Variants in RBFOX1 observed in about 807,000 individuals in gnomAD.
RBFOX1 encodes RNA binding fox-1 homolog 1.
In RBFOX1, 8 loss-of-function variants were observed where a neutral mutation model predicts 57.7. The ratio of observed to expected loss-of-function variants is 0.14; its 90% CI spans 0.08 to 0.25. The LOEUF is 0.25. Ranked by LOEUF, RBFOX1 falls within the 10% of genes least tolerant of loss-of-function variation. The pLI, the probability that RBFOX1 is intolerant of heterozygous loss-of-function variation, is 1.00. For missense variants in RBFOX1, 611 were observed against 548.5 expected, an observed-to-expected ratio of 1.11 and a Z score of -1.14; for synonymous variants, 326 against 222.4, an observed-to-expected ratio of 1.47 and a Z score of -4.15.
At chr16:6,558,384 G>A (rs962863134) in intron 2 of RBFOX1, among the ~76,000 whole-genome samples, 2 of 152,160 alleles carry the variant, frequency 1.3e-5, no homozygotes, top group Non-Finnish European at 2.9e-5. Context: ...TTCTCTTTTA[G>A]AAAGAGGAGA....
intron 1 of RBFOX1, among the ~76,000 whole-genome samples, chr16:6,183,494 A>G (rs976064776): frequency 6.3e-5 from 9 of 143,310 alleles, no homozygotes; most frequent in African/African-American, 2.4e-4. Context: ...AATTAAATAA[A>G]TAAATAAATA....
chr16:6,204,765 CT>C (rs1378526213), intron 1 of RBFOX1, among the ~76,000 whole-genome samples: 1 of 152,076 alleles, frequency 6.6e-6, no homozygotes, highest in Non-Finnish European at 1.5e-5. Context: ...GTTGGATGAC[CT>C]TATTGACAAT....
chr16:6,699,622 T>A (rs1384479327), intron 3 of RBFOX1, among the ~76,000 whole-genome samples: 1 of 152,120 alleles, frequency 6.6e-6, no homozygotes, highest in African/African-American at 2.4e-5. Flanking sequence ...GGAAGAGTGT[T>A]TTTGTTGGCA....
chr16:6,824,751 T>C (rs1404619047), intron 3 of RBFOX1, among the ~76,000 whole-genome samples: 1 of 152,062 alleles, frequency 6.6e-6, no homozygotes, highest in East Asian at 1.9e-4. Context: ...AAGCTTTCTT[T>C]AAAAACTTTT....
At chr16:6,810,351 T>A (rs2088167454) in intron 3 of RBFOX1, among the ~76,000 whole-genome samples, 1 of 152,076 alleles carries the variant, frequency 6.6e-6, no homozygotes, top group Admixed American at 6.5e-5. Context: ...TCCGTGCATT[T>A]TTTCCTCTCC....
At chr16:6,068,463 A>C (rs2095795231) in intron 1 of RBFOX1, among the ~76,000 whole-genome samples, 1 of 152,314 alleles carries the variant, frequency 6.6e-6, no homozygotes, top group Admixed American at 6.5e-5. Context: ...AAGCATGACA[A>C]AATAATGAAG....
At chr16:6,904,237 C>A (rs1430775828) in intron 3 of RBFOX1, among the ~76,000 whole-genome samples, 1 of 152,072 alleles carries the variant, frequency 6.6e-6, no homozygotes, top group South Asian at 2.1e-4. Flanking sequence ...GTGTTCTAAA[C>A]TGTCATTTGC....
Position 5,873,145 on chromosome 16 carries a change from C to T in RBFOX1, c.351+5810C>T, listed in dbSNP as rs576617883. 4.6e-5 allele frequency among the ~76,000 whole-genome samples: 7 copies of T among 151,618 alleles called. No individual in the cohort carries two copies. In the South Asian group the frequency reaches 1.5e-3, roughly 32 times the overall value. ...CCAGCCTAGCAACAGAGCAAGACTCCATCTCAAAACAAAGAAACAAACAAC... is the reference window on the plus strand; with the variant it reads ...CCAGCCTAGCAACAGAGCAAGACTCTATCTCAAAACAAAGAAACAAACAAC... On this transcript the variant is annotated intron_variant, in intron 4 of 19. Coordinates refer to the RBFOX1 transcript ENST00000641259.
intron 3 of RBFOX1, among the ~76,000 whole-genome samples, chr16:5,645,109 T>G (rs551355373): frequency 4.0e-5 from 6 of 149,952 alleles, no homozygotes; most frequent in African/African-American, 1.2e-4. Context: ...AAATGTTGAG[T>G]GTGGTGATGC....
chr16:6,591,900 G>T lies in RBFOX1; in HGVS notation c.-63-62703G>T, dbSNP rs973500105. On this transcript the variant is annotated intron_variant, in intron 2 of 15. Transcript: ENST00000550418. Reference sequence around the variant, plus strand: ...ACATGAGAAAACACATTTGCTTTGTGAACTGGAATTTTATATTTGGAACTG... The same window carrying T: ...ACATGAGAAAACACATTTGCTTTGTTAACTGGAATTTTATATTTGGAACTG... Among the ~76,000 whole-genome samples the T allele has an allele frequency of 4.6e-5, 7 of 152,294 alleles. No homozygotes were observed. The South Asian group carries it at 1.2e-3, about 27-fold the overall frequency.
intron 1 of RBFOX1, among the ~76,000 whole-genome samples, chr16:5,325,072 A>G: frequency 6.6e-6 from 1 of 152,208 alleles, no homozygotes; most frequent in Admixed American, 6.5e-5. Context: ...TAAACTTAAA[A>G]GTTAAAAAAA....
At position 6,882,848 on chromosome 16, in the gene RBFOX1, AC is replaced by A. The variant is rs1269342222; in HGVS notation, c.-15-169204del. ...GCCCCTTTTCAGAGGCTTTATGTTCACCCCCAGGAGTGAACAACCATCTTCC... is the reference window on the plus strand; with the variant it reads ...GCCCCTTTTCAGAGGCTTTATGTTCACCCCAGGAGTGAACAACCATCTTCC... On this transcript the variant is annotated intron_variant, in intron 3 of 15. Coordinates refer to ENST00000550418, the MANE Select transcript of RBFOX1 (RefSeq NM_018723.4). Among the ~76,000 whole-genome samples, 3 of 151,820 alleles carry A rather than the reference AC, an allele frequency of 2.0e-5. No homozygotes were observed. The East Asian group carries it at 5.9e-4, about 30-fold the overall frequency.
chr16:6,441,148 C>A (rs1236724787), intron 2 of RBFOX1, among the ~76,000 whole-genome samples: 1 of 152,044 alleles, frequency 6.6e-6, no homozygotes, highest in African/African-American at 2.4e-5. Context: ...GGGAACATGC[C>A]CTGGGGGGTG....
intron 4 of RBFOX1, among the ~76,000 whole-genome samples, chr16:7,365,482 AT>A (rs928101544): frequency 1.8e-3 from 267 of 152,192 alleles, no homozygotes; most frequent in South Asian, 4.8e-3. Context: ...AGAAGGAGTG[AT>A]TTTTTTCCCC....
chr16:6,921,483 C>T (rs2074426283), intron 3 of RBFOX1, among the ~76,000 whole-genome samples: 1 of 152,090 alleles, frequency 6.6e-6, no homozygotes, highest in South Asian at 2.1e-4. Flanking sequence ...ACCATGTTTA[C>T]CTTCCAGAGG....
intron 3 of RBFOX1, among the ~76,000 whole-genome samples, chr16:5,619,014 T>C (rs2048127698): frequency 6.6e-6 from 1 of 152,010 alleles, no homozygotes; most frequent in Admixed American, 6.6e-5. Context: ...GCCAGGCTAT[T>C]TAGGAGGAAT....
chr16:5,296,540 G>C (rs2063672831), intron 1 of RBFOX1, among the ~76,000 whole-genome samples: 1 of 150,934 alleles, frequency 6.6e-6, no homozygotes, highest in African/African-American at 2.5e-5. Context: ...CAGTTCAATA[G>C]AGGAATTTAT....
chr16:6,965,733 G>C (rs186731291), intron 3 of RBFOX1, among the ~76,000 whole-genome samples: 1 of 152,218 alleles, frequency 6.6e-6, no homozygotes, highest in Non-Finnish European at 1.5e-5. Context: ...AAATGGGAAT[G>C]ATAATAATCA....
At chr16:7,279,171 C>T (rs1407969247) in intron 4 of RBFOX1, among the ~76,000 whole-genome samples, 1 of 150,808 alleles carries the variant, frequency 6.6e-6, no homozygotes, top group Non-Finnish European at 1.5e-5. Flanking sequence ...CCATGGGGGA[C>T]CCCATGCTGA....
Sources: allele counts gnomAD v4.1 joint callset (sites outside exome capture counted in the v4.1 genomes callset), GRCh38; gene constraint gnomAD v4.1.1; transcripts MANE v1.5; gene names NCBI Gene and HGNC (gene_info 2026-07-23, HGNC 2026-07-21).